NALF1: variants seen among roughly 807,000 people sequenced by gnomAD.
NALF1 encodes family with sequence similarity 155 member A.
A neutral mutation model predicts 48.4 loss-of-function variants in NALF1; 3 were observed. That is an observed-to-expected ratio of 0.06 (90% CI 0.03 to 0.16). The LOEUF is 0.16. NALF1 is among the 10% of genes least tolerant of loss of function. The probability of loss-of-function intolerance (pLI) is 1.00; values close to 1 mark genes in which losing one functional copy is unlikely to be tolerated. For missense variants in NALF1, 526 were observed against 571.5 expected (o/e 0.92, Z 0.81); for synonymous variants, 262 against 245.7 (o/e 1.07, Z -0.62).
In NALF1 at chr13:107,866,703, C is replaced by G; in HGVS notation, c.-107G>C. Reference sequence around the variant, plus strand: ...GGTTTAATTTCCTTATCCCCTCCTCCCGTTTCTTCTCTCTCCTCTCTCTCT... The same window carrying G: ...GGTTTAATTTCCTTATCCCCTCCTCGCGTTTCTTCTCTCTCCTCTCTCTCT... On this transcript the variant is annotated 5_prime_UTR_variant, in exon 1 of 3. Transcript: ENST00000375915. The surrounding 1 kb of genome is among the most constrained non-coding windows in gnomAD (Gnocchi z 4.4). The G allele has an allele frequency of 2.3e-6, 2 of 866,896 alleles. No homozygotes were observed. The highest frequency in any genetic ancestry group is 3.5e-6 in the Non-Finnish European group (2 of 564,282). The allele number at this position is 866,896 out of a possible 1,614,324, so 53.7% of individuals were successfully genotyped here.
intron 1 of NALF1, among the ~76,000 whole-genome samples, chr13:107,811,817 T>A (rs549376621): frequency 6.6e-6 from 1 of 152,278 alleles, no homozygotes; most frequent in East Asian, 1.9e-4. Context: ...TTAATCCCTT[T>A]ATAAGGGCAG....
chr13:107,368,992 T>A (rs1411802962), intron 1 of NALF1, among the ~76,000 whole-genome samples: 1 of 152,222 alleles, frequency 6.6e-6, no homozygotes, highest in East Asian at 1.9e-4. Context: ...CACATTCTAT[T>A]CCCTTTACAC....
chr13:107,771,059 T>C (rs1211387824), intron 1 of NALF1, among the ~76,000 whole-genome samples: 1 of 149,108 alleles, frequency 6.7e-6, no homozygotes, highest in Non-Finnish European at 1.5e-5. Flanking sequence ...TCATTTGAAA[T>C]TGTATGTCAA....
chr13:107,554,712 C>T (rs1305284667), intron 1 of NALF1, among the ~76,000 whole-genome samples: 1 of 152,210 alleles, frequency 6.6e-6, no homozygotes, highest in Non-Finnish European at 1.5e-5. Context: ...TTGCTTCTGA[C>T]AGTGGCTCAC....
At chr13:107,836,291 T>C (rs1045656818) in intron 1 of NALF1, among the ~76,000 whole-genome samples, 17 of 152,188 alleles carry the variant, frequency 1.1e-4, no homozygotes, top group African/African-American at 3.6e-4. Context: ...ATGCCTGGCC[T>C]AGTCTGACTT....
intron 1 of NALF1, among the ~76,000 whole-genome samples, chr13:107,597,699 A>G (rs985616058): frequency 2.9e-4 from 44 of 152,218 alleles, no homozygotes; most frequent in African/African-American, 1.0e-3. Context: ...GTAGAAACTT[A>G]CTGAGACCAA....
intron 1 of NALF1, among the ~76,000 whole-genome samples, chr13:107,621,640 G>C (rs1465568754): frequency 6.6e-6 from 1 of 152,122 alleles, no homozygotes; most frequent in Non-Finnish European, 1.5e-5. Flanking sequence ...TCGTTCCTTA[G>C]GGACAATGCA....
chr13:107,514,095 A>G (rs544460187), intron 1 of NALF1, among the ~76,000 whole-genome samples: 1 of 152,306 alleles, frequency 6.6e-6, no homozygotes, highest in African/African-American at 2.4e-5. Context: ...TCATTGCCAT[A>G]AAAATTTACT....
At chr13:107,464,612 C>T (rs999813187) in intron 1 of NALF1, among the ~76,000 whole-genome samples, 1 of 152,088 alleles carries the variant, frequency 6.6e-6, no homozygotes. Flanking sequence ...CCTCTGCCTC[C>T]TCAGTTCAAG....
chr13:107,850,414 A>T (rs1057007992), intron 1 of NALF1, among the ~76,000 whole-genome samples: 1 of 152,222 alleles, frequency 6.6e-6, no homozygotes, highest in Admixed American at 6.5e-5. Flanking sequence ...AAGCAGTCAT[A>T]GTATTATACT....
At chr13:107,796,343 T>C (rs1878423788) in intron 1 of NALF1, among the ~76,000 whole-genome samples, 1 of 152,228 alleles carries the variant, frequency 6.6e-6, no homozygotes, top group African/African-American at 2.4e-5. Context: ...GCTACATTCA[T>C]TAATTGAATT....
At chr13:107,781,596 T>C (rs1877890076) in intron 1 of NALF1, among the ~76,000 whole-genome samples, 1 of 151,868 alleles carries the variant, frequency 6.6e-6, no homozygotes, top group Admixed American at 6.6e-5. Context: ...GTCAAATCAC[T>C]TAAAAATGTA....
chr13:107,849,115 T>C (rs1482927814), intron 1 of NALF1, among the ~76,000 whole-genome samples: 1 of 152,212 alleles, frequency 6.6e-6, no homozygotes, highest in African/African-American at 2.4e-5. Context: ...TAGAGCATAA[T>C]GATGACCATT....
chr13:107,380,802 C>T (rs934380888), intron 1 of NALF1, among the ~76,000 whole-genome samples: 5 of 151,556 alleles, frequency 3.3e-5, no homozygotes, highest in African/African-American at 1.2e-4. Flanking sequence ...CACGGTGAGA[C>T]CCCGTCTCTA....
chr13:107,839,179 G>A (rs887490193), intron 1 of NALF1, among the ~76,000 whole-genome samples: 3 of 151,850 alleles, frequency 2.0e-5, no homozygotes, highest in Non-Finnish European at 4.4e-5. Context: ...CGAGTTTAGT[G>A]CTTAGTTTAA....
intron 1 of NALF1, among the ~76,000 whole-genome samples, chr13:107,861,845 T>C (rs1880578697): frequency 8.6e-6 from 1 of 116,682 alleles, no homozygotes; most frequent in Non-Finnish European, 1.8e-5. Context: ...TTTTTTTTTC[T>C]TTTCAAATTG....
At chr13:107,410,671 G>T (rs1883975171) in intron 1 of NALF1, among the ~76,000 whole-genome samples, 1 of 152,098 alleles carries the variant, frequency 6.6e-6, no homozygotes, top group Non-Finnish European at 1.5e-5. Context: ...GAACAATAAA[G>T]CAGATTCTGT....
At chr13:107,368,822 C>A (rs368809743) in intron 1 of NALF1, among the ~76,000 whole-genome samples, 5 of 152,198 alleles carry the variant, frequency 3.3e-5, no homozygotes, top group African/African-American at 1.2e-4. Flanking sequence ...GTGGACATAT[C>A]TTTTGGGGGC....
intron 1 of NALF1, among the ~76,000 whole-genome samples, chr13:107,536,212 C>A (rs1157753253): frequency 2.0e-5 from 3 of 152,078 alleles, no homozygotes; most frequent in Non-Finnish European, 2.9e-5. Context: ...GCAACAAAAG[C>A]CAAAATTGAC....
Sources: allele counts gnomAD v4.1 joint callset (sites outside exome capture counted in the v4.1 genomes callset), GRCh38; gene constraint gnomAD v4.1.1; non-coding constraint Gnocchi (gnomAD v3.1); transcripts MANE v1.5; gene names NCBI Gene and HGNC (gene_info 2026-07-23, HGNC 2026-07-21).